RNF17: variants seen among roughly 807,000 people sequenced by gnomAD.
RNF17 encodes the protein spermatogenesis associated 23.
RNF17 carries 31 observed loss-of-function variants against 200.5 expected under a neutral mutation model. The ratio of observed to expected loss-of-function variants is 0.15; its 90% CI spans 0.12 to 0.21. The LOEUF (loss-of-function observed/expected upper bound fraction) is 0.21, where lower values mean the gene tolerates loss of function less well. RNF17 is among the 10% of genes least tolerant of loss of function. The pLI, the probability that RNF17 is intolerant of heterozygous loss-of-function variation, is 1.00. For synonymous variants in RNF17, 606 were observed against 637.8 expected, an observed-to-expected ratio of 0.95 and a Z score of 0.75; for missense variants, 1,628 against 1,905.1, an observed-to-expected ratio of 0.85 and a Z score of 2.71.
At chr13:24,883,937 T>C (rs776129297), downstream of RNF17, 5 of 1,614,076 alleles carry the variant, frequency 3.1e-6, no homozygotes, top group Middle Eastern at 3.3e-4. Context: ...CTGAGTGGTT[T>C]TTCTGTGAAC....
chr13:24,796,081 C>T, intron 10 of RNF17, 56 bp from the exon 11 acceptor site: 2 of 1,357,680 alleles, frequency 1.5e-6, no homozygotes, highest in Non-Finnish European at 2.0e-6. Flanking sequence ...GTTCAGCTTT[C>T]ATGAATTATT....
the RNF17 span, among the ~76,000 whole-genome samples, chr13:24,887,375 C>T: frequency 6.6e-6 from 1 of 152,158 alleles, no homozygotes; most frequent in Admixed American, 6.5e-5. Flanking sequence ...GGCGAGCCAG[C>T]GAAGCTTCAT....
At position 24,850,451 on chromosome 13, in the gene RNF17, GT is replaced by G; in HGVS notation, c.3204+10del. The stretch of plus-strand genomic sequence containing the variant: ...TTACAGGTGGATAGTGAGGTAACAA[GT>G]TACAAGAGATATGTGCTGATGATCT... On this transcript the variant is annotated intron_variant, in intron 23 of 35. Coordinates refer to ENST00000255324, the MANE Select transcript of RNF17 (RefSeq NM_031277.3). 1 of 1,535,848 alleles carries G rather than the reference GT, an allele frequency of 6.5e-7. No individual in the cohort carries two copies. The highest frequency in any genetic ancestry group is 9.0e-7 in the Non-Finnish European group (1 of 1,110,382).
rs1884547376 is a variant in RNF17 at position 24,796,167 on chromosome 13, T to C, written c.1271T>C (p.Val424Ala). The C allele has an allele frequency of 6.2e-7, 1 of 1,612,090 alleles. No individual in the cohort carries two copies. Among genetic ancestry groups the C allele is most frequent in the Non-Finnish European group, 8.5e-7 (1 of 1,178,824 alleles). ...GCAGAGCTAGTTTTTGTAAGCCATG[T>C]AATAGATCCTTGCCATTTCTACATT... ...SSAELVFVSH[V>A]IDPCHFYIRK... The change falls in exon 11 of 36, where the codon GTA becomes GCA. Residue 424 changes from valine to alanine, a missense_variant. Val to Ala is a moderately conservative substitution (Grantham distance 64). Transcript: ENST00000255324.
intron 26 of RNF17, 87 bp from the exon 27 acceptor site, chr13:24,861,181 T>C: frequency 8.5e-7 from 1 of 1,171,394 alleles, no homozygotes; most frequent in South Asian, 1.4e-5. Context: ...GCCCGGCCTG[T>C]CTTTTTTTCT....
chr13:24,777,504 A>C (rs1881735796), intron 3 of RNF17, among the ~76,000 whole-genome samples: 1 of 152,108 alleles, frequency 6.6e-6, no homozygotes, highest in Non-Finnish European at 1.5e-5. Context: ...CCCATCTCTA[A>C]AACAGATAAT....
intron 25 of RNF17, among the ~76,000 whole-genome samples, chr13:24,857,601 T>C (rs1285631062): frequency 6.6e-6 from 1 of 152,200 alleles, no homozygotes; most frequent in Non-Finnish European, 1.5e-5. Context: ...TTGGAGGCTC[T>C]CTATGAAAAA....
rs771839361 is a variant in RNF17 at position 24,870,575 on chromosome 13, A to G, written c.4283A>G (p.Tyr1428Cys). 2.5e-6 allele frequency: 4 copies of G among 1,612,292 alleles called. No individual in the cohort carries two copies. Among genetic ancestry groups the G allele is most frequent in the Non-Finnish European group, 3.4e-6 (4 of 1,179,104 alleles). The change falls in exon 32 of 36, where the codon TAT becomes TGT. Residue 1428 changes from tyrosine to cysteine, a missense_variant. By Grantham distance (194) the Tyr-to-Cys change is radical (BLOSUM62 -2). Around this residue, in one of 5 missense-constraint regions of RNF17, gnomAD observed 609 missense variants for 681.9 expected, o/e 0.89. Coordinates refer to ENST00000255324, the MANE Select transcript of RNF17 (RefSeq NM_031277.3). ...CCTTTCATTCTCCCCACTTAGGTGT[A>G]TATTTGCCTTGATTCTATAGAAACT... is the stretch of plus-strand genomic sequence containing the variant. ...VKHVVSPNEVYICLDSIETSN... is the reference protein window; with the variant it reads ...VKHVVSPNEVCICLDSIETSN...
the RNF17 span, chr13:24,886,440 C>A: frequency 3.0e-4 from 310 of 1,020,582 alleles, 1 homozygote; most frequent in African/African-American, 4.8e-3. Context: ...TTTATAGGTC[C>A]CAAACTGCCA....
chr13:24,749,157 A>G, the RNF17 span, among the ~76,000 whole-genome samples: 1 of 152,164 alleles, frequency 6.6e-6, no homozygotes, highest in Non-Finnish European at 1.5e-5. Flanking sequence ...ATTTGATTTG[A>G]GGGAATTTTT....
chr13:24,878,616 C>G (rs982844807), intron 34 of RNF17, among the ~76,000 whole-genome samples: 1 of 152,162 alleles, frequency 6.6e-6, no homozygotes, highest in Non-Finnish European at 1.5e-5. Flanking sequence ...ACCAAAGAAT[C>G]TGGAGGCTGA....
intron 13 of RNF17, 128 bp from the exon 14 acceptor site, chr13:24,802,253 C>G: frequency 1.3e-6 from 1 of 757,706 alleles, no homozygotes. Flanking sequence ...CTGGCTGTTT[C>G]CTAATGTCTG....
Position 24,779,683 on chromosome 13 carries a change from A to C in RNF17, c.446A>C (p.Glu149Ala). The change falls in exon 5 of 36, where the codon GAA (glutamate) becomes GCA (alanine). Residue 149 changes from glutamate (E) to alanine (A), a missense_variant. Physicochemically the swap from Glu to Ala is moderately radical, Grantham distance 107. Transcript: ENST00000255324. ...CCTTCTTAGGACACTAATACTGCAG[A>C]AGAAATTGATGAAGCATTGAATACA... is the stretch of plus-strand genomic sequence containing the variant. ...SAVMLDTNTA[E>A]EIDEALNTAH... 4 of 1,613,040 alleles carry C rather than the reference A, an allele frequency of 2.5e-6. No individual in the cohort carries two copies. The highest frequency in any genetic ancestry group is 3.4e-6 in the Non-Finnish European group (4 of 1,179,258).
intron 34 of RNF17, among the ~76,000 whole-genome samples, chr13:24,878,110 C>G (rs1186808239): frequency 1.3e-5 from 2 of 152,194 alleles, no homozygotes; most frequent in African/African-American, 4.8e-5. Context: ...TGGTGTGCAG[C>G]TCAGCCTGCT....
chr13:24,821,420 A>G (rs1300765125), intron 15 of RNF17, among the ~76,000 whole-genome samples: 1 of 152,088 alleles, frequency 6.6e-6, no homozygotes, highest in Admixed American at 6.5e-5. Flanking sequence ...GGGGACTTCT[A>G]CCATTTTTAA....
chr13:24,847,656 A>G (rs1484252185), intron 22 of RNF17, among the ~76,000 whole-genome samples: 1 of 151,834 alleles, frequency 6.6e-6, no homozygotes, highest in East Asian at 1.9e-4. Context: ...AAAAATTGAT[A>G]TTATAATAGG....
intron 22 of RNF17, among the ~76,000 whole-genome samples, chr13:24,845,318 A>C (rs1489069168): frequency 2.0e-5 from 3 of 152,198 alleles, no homozygotes; most frequent in African/African-American, 7.2e-5. Context: ...TTTTACTTTG[A>C]GGAACAACAA....
intron 15 of RNF17, among the ~76,000 whole-genome samples, chr13:24,806,008 G>A (rs1012715387): frequency 6.6e-6 from 1 of 151,858 alleles, no homozygotes. Context: ...ATCTACATTA[G>A]GTATTTCTCC....
chr13:24,843,940 C>T lies in RNF17; in HGVS notation c.2800C>T (p.Gln934Ter). 1 of 1,528,962 alleles carries T rather than the reference C, an allele frequency of 6.5e-7. No individual in the cohort carries two copies. The highest frequency in any genetic ancestry group is 8.9e-7 in the Non-Finnish European group (1 of 1,129,612). 94.7% of individuals were successfully genotyped at this position (1,528,962 alleles called of 1,614,324 possible). The change falls in exon 20 of 36, where the codon CAG becomes TAG. Residue 934 changes from glutamine to a stop codon, truncating the protein, a stop_gained. Coordinates refer to ENST00000255324, the MANE Select transcript of RNF17 (RefSeq NM_031277.3). LOFTEE classifies it high-confidence loss of function. Reference protein sequence around the residue: ...NVISPEKIYVQWLLTENLLNS... With the variant: ...NVISPEKIYV ...AATATCTCCTGAGAAGATTTATGTT[C>T]AGTGGTTGTTAACTGAAAACTTACT...
Sources: allele counts gnomAD v4.1 joint callset (sites outside exome capture counted in the v4.1 genomes callset), GRCh38; gene constraint gnomAD v4.1.1; regional missense constraint gnomAD v4.1.1; transcripts MANE v1.5; gene names NCBI Gene and HGNC (gene_info 2026-07-23, HGNC 2026-07-21).